Variants in COBL observed in about 807,000 individuals in gnomAD.
COBL encodes the protein cordon-bleu WH2 repeat protein.
COBL carries 51 observed loss-of-function variants against 98.8 expected under a neutral mutation model. That is an observed-to-expected ratio of 0.52 (90% CI 0.41 to 0.65). The LOEUF (loss-of-function observed/expected upper bound fraction) is 0.65, where lower values mean the gene tolerates loss of function less well. Among genes scored for constraint, COBL ranks in the 30% least tolerant of loss-of-function variants. The pLI, the probability that COBL is intolerant of heterozygous loss-of-function variation, is 0.00. For missense variants in COBL, 1,617 were observed against 1,617.5 expected (o/e 1.00, Z 0.01); for synonymous variants, 634 against 651.7 (o/e 0.97, Z 0.41).
intron 1 of COBL, among the ~76,000 whole-genome samples, chr7:51,315,020 T>G (rs1803402108): frequency 6.6e-6 from 1 of 152,186 alleles, no homozygotes; most frequent in Non-Finnish European, 1.5e-5. Flanking sequence ...GCCGGCCTTT[T>G]AAATGTTCTC....
intron 3 of COBL, among the ~76,000 whole-genome samples, chr7:51,192,244 G>T (rs1393056807): frequency 6.6e-6 from 1 of 152,140 alleles, no homozygotes; most frequent in African/African-American, 2.4e-5. Flanking sequence ...AATTTAGAAG[G>T]TCTGCTAAGA....
chr7:51,234,404 C>T (rs1336205026), intron 1 of COBL, among the ~76,000 whole-genome samples: 1 of 152,210 alleles, frequency 6.6e-6, no homozygotes, highest in Non-Finnish European at 1.5e-5. Flanking sequence ...ACACCACCAT[C>T]AAGAGTTCCG....
intron 2 of COBL, among the ~76,000 whole-genome samples, chr7:51,198,116 T>G (rs1790765362): frequency 6.6e-6 from 1 of 152,198 alleles, no homozygotes; most frequent in South Asian, 2.1e-4. Context: ...GTCAGTAGTC[T>G]GTGTACTTTA....
intron 1 of COBL, among the ~76,000 whole-genome samples, chr7:51,224,025 A>G (rs1194094383): frequency 6.6e-6 from 1 of 152,200 alleles, no homozygotes; most frequent in Non-Finnish European, 1.5e-5. Flanking sequence ...AGATATGTTG[A>G]GACATACAAA....
chr7:51,281,335 G>C (rs1185064885), intron 1 of COBL, among the ~76,000 whole-genome samples: 1 of 152,112 alleles, frequency 6.6e-6, no homozygotes, highest in Non-Finnish European at 1.5e-5. Context: ...ATGTCAATGG[G>C]ATCCTAGAAA....
intron 5 of COBL, among the ~76,000 whole-genome samples, chr7:51,149,883 C>T (rs1012031102): frequency 3.3e-5 from 5 of 152,160 alleles, no homozygotes; most frequent in African/African-American, 1.2e-4. Flanking sequence ...CCTCAGCCTC[C>T]GAAAGTGCTG....
In COBL at chr7:51,316,615, A is replaced by T. The variant is rs2129228130; in HGVS notation, c.19T>A (p.Ser7Thr). ...TACCCGGTCGGGGGCTTGGCCGCCG[A>T]GGCGCGCGGCGCGTCCATGGTGCCG... MDAPRA[S>T]AAKPPTGRKM... Residue 7 changes from serine to threonine, a missense_variant, in exon 1 of 13, where the codon TCG (serine) becomes ACG (threonine). Ser to Thr is a moderately conservative substitution (Grantham distance 58). Coordinates refer to ENST00000265136, the MANE Select transcript of COBL (RefSeq NM_015198.5). 1 of 1,203,024 alleles carries T rather than the reference A, an allele frequency of 8.3e-7. No homozygotes were observed. Among genetic ancestry groups the T allele is most frequent in the Non-Finnish European group, 1.0e-6 (1 of 969,532 alleles). 74.5% of individuals were successfully genotyped at this position (1,203,024 alleles called of 1,614,324 possible). A position where few individuals can be genotyped will look rare whatever the true frequency, so the allele number is the denominator to read the frequency against.
chr7:51,255,068 C>T lies in COBL; in HGVS notation c.42-35124G>A, dbSNP rs75257790. ...TCTGAAAGCTAAGTCACACTAAACA[C>T]TAAATCACAGGATCCATGTGAAGCC... On this transcript the variant is annotated intron_variant, in intron 1 of 12. Transcript: ENST00000265136. 4.6e-5 allele frequency among the ~76,000 whole-genome samples: 7 copies of T among 152,342 alleles called. No homozygotes were observed. The East Asian group carries it at 1.3e-3, about 29-fold the overall frequency.
At chr7:51,197,071 A>G (rs1335120158) in intron 2 of COBL, among the ~76,000 whole-genome samples, 3 of 151,520 alleles carry the variant, frequency 2.0e-5, no homozygotes, top group African/African-American at 7.3e-5. Flanking sequence ...TGCTAGCTTT[A>G]GGGTTGGTTT....
At chr7:51,233,232 A>G (rs557711404) in intron 1 of COBL, among the ~76,000 whole-genome samples, 1 of 152,226 alleles carries the variant, frequency 6.6e-6, no homozygotes, top group Non-Finnish European at 1.5e-5. Context: ...GGCTGGCCAA[A>G]TCAGTGCTGC....
chr7:51,119,786 G>C (rs1319526532), intron 6 of COBL, among the ~76,000 whole-genome samples: 2 of 152,100 alleles, frequency 1.3e-5, no homozygotes, highest in Non-Finnish European at 2.9e-5. Flanking sequence ...TACTATTTTT[G>C]TAAGTACTAT....
intron 6 of COBL, among the ~76,000 whole-genome samples, chr7:51,128,813 C>CCAG (rs577957270): frequency 1.4e-4 from 21 of 152,210 alleles, no homozygotes; most frequent in Admixed American, 9.2e-4. Flanking sequence ...CCTGGCCATT[C>CCAG]CAGCAGCAGC....
chr7:51,161,937 A>G (rs1202565444), intron 5 of COBL, among the ~76,000 whole-genome samples: 3 of 152,220 alleles, frequency 2.0e-5, no homozygotes, highest in Non-Finnish European at 4.4e-5. Context: ...GCACTTTATC[A>G]GACTGATATA....
intron 1 of COBL, among the ~76,000 whole-genome samples, chr7:51,269,587 C>T (rs2129161551): frequency 6.6e-6 from 1 of 152,370 alleles, no homozygotes; most frequent in Admixed American, 6.5e-5. Flanking sequence ...GGCCACTGCT[C>T]TCCTTGCCCG....
At chr7:51,031,838 A>G (rs1249513555) in intron 8 of COBL, 1 of 152,232 alleles carries the variant, frequency 6.6e-6, no homozygotes, top group African/African-American at 2.4e-5. Flanking sequence ...GAACTGGGAC[A>G]TAAGGACAAT....
chr7:51,115,606 T>C (rs1210938563), intron 6 of COBL, among the ~76,000 whole-genome samples: 1 of 152,152 alleles, frequency 6.6e-6, no homozygotes, highest in East Asian at 1.9e-4. Flanking sequence ...TCTAATGTAA[T>C]ACTCCACATG....
At chr7:51,288,555 C>A (rs1800589380) in intron 1 of COBL, among the ~76,000 whole-genome samples, 1 of 151,670 alleles carries the variant, frequency 6.6e-6, no homozygotes. Context: ...GAGTTCGAGA[C>A]CAGCCTGGCC....
At chr7:51,124,319 C>T (rs1358957367) in intron 6 of COBL, among the ~76,000 whole-genome samples, 3 of 152,154 alleles carry the variant, frequency 2.0e-5, no homozygotes, top group Admixed American at 2.0e-4. Flanking sequence ...CATTAGCAAT[C>T]TAATTCATTA....
chr7:51,058,056 T>C (rs576365704), intron 7 of COBL, among the ~76,000 whole-genome samples: 1 of 152,314 alleles, frequency 6.6e-6, no homozygotes, highest in Admixed American at 6.5e-5. Context: ...GGAAAGAAAA[T>C]AATCACTTAT....
Sources: gnomAD v4.1 joint callset for allele counts (sites outside exome capture counted in the v4.1 genomes callset) on GRCh38, gnomAD v4.1.1 for gene constraint, MANE v1.5 for transcripts, NCBI Gene and HGNC (gene_info 2026-07-23, HGNC 2026-07-21) for gene names.